The following VAPB variants were observed in gnomAD, a reference collection of about 807,000 sequenced individuals.
VAPB encodes the protein vesicle-associated membrane protein-associated protein B/C.
A neutral mutation model predicts 25.6 loss-of-function variants in VAPB; 7 were observed. The observed-to-expected ratio is 0.27, with a 90% CI of 0.16 to 0.51. The LOEUF (loss-of-function observed/expected upper bound fraction) is 0.51, where lower values mean the gene tolerates loss of function less well. Ranked by LOEUF, VAPB falls within the 20% of genes least tolerant of loss-of-function variation. The probability of loss-of-function intolerance (pLI) is 0.97; values close to 1 mark genes in which losing one functional copy is unlikely to be tolerated. For missense variants in VAPB, 266 were observed against 301.3 expected (o/e 0.88, Z 0.87); for synonymous variants, 112 against 109.2 (o/e 1.03, Z -0.16).
At chr20:58,401,029 CA>C (rs1988084522) in intron 1 of VAPB, among the ~76,000 whole-genome samples, 1 of 152,188 alleles carries the variant, frequency 6.6e-6, no homozygotes, top group African/African-American at 2.4e-5. Flanking sequence ...AGGAGGATCC[CA>C]TCTTAGTGCA....
chr20:58,420,013 T>G (rs1237297384), intron 2 of VAPB, among the ~76,000 whole-genome samples: 2 of 151,958 alleles, frequency 1.3e-5, no homozygotes, highest in Non-Finnish European at 2.9e-5. Context: ...TTTGAGACAG[T>G]CTCACTTTGT....
intron 1 of VAPB, among the ~76,000 whole-genome samples, chr20:58,409,296 C>T (rs6026244): frequency 2.4e-4 from 37 of 151,974 alleles, no homozygotes; most frequent in African/African-American, 7.7e-4. Flanking sequence ...GGGTATAGAA[C>T]GCAGAAAGCA....
chr20:58,443,573 C>G (rs1199324241), intron 5 of VAPB, among the ~76,000 whole-genome samples: 2 of 151,790 alleles, frequency 1.3e-5, no homozygotes, highest in Non-Finnish European at 2.9e-5. Context: ...CAAGCATGAG[C>G]CACCGTGCCC....
chr20:58,422,718 A>G (rs1267696335), intron 2 of VAPB, among the ~76,000 whole-genome samples: 3 of 152,126 alleles, frequency 2.0e-5, no homozygotes, highest in Non-Finnish European at 4.4e-5. Flanking sequence ...TGGGCCCATC[A>G]AAAATACTTA....
intron 1 of VAPB, among the ~76,000 whole-genome samples, chr20:58,414,909 C>G (rs149703237): frequency 0.11 from 16,438 of 152,226 alleles, 975 homozygotes; most frequent in Middle Eastern, 0.17. Context: ...GCCGAGATCA[C>G]GCCACTGCAC....
intron 1 of VAPB, among the ~76,000 whole-genome samples, chr20:58,408,108 A>G (rs144929550): frequency 1.1e-3 from 169 of 152,242 alleles, no homozygotes; most frequent in Non-Finnish European, 1.4e-3. Context: ...TAGTGAATTG[A>G]GTAAGCACCC....
chr20:58,446,257 G>T lies in VAPB; in HGVS notation c.*2022G>T, dbSNP rs1012884032. 8.8e-6 allele frequency: 4 copies of T among 453,946 alleles called. No homozygotes were observed. The Admixed American group carries it at 9.4e-5, about 11-fold the overall frequency. The allele number at this position is 453,946 out of a possible 1,614,324, so 28.1% of individuals were successfully genotyped here. On this transcript the variant is annotated 3_prime_UTR_variant, in exon 6 of 6. Transcript: ENST00000475243. ...GGGAGTGAAAAGACCGAGCTGTAAGGCATGTGCCTTCTGCCACCTGACTTT... is the reference window on the plus strand; with the variant it reads ...GGGAGTGAAAAGACCGAGCTGTAAGTCATGTGCCTTCTGCCACCTGACTTT...
In VAPB at chr20:58,449,822, T is replaced by G. The variant is rs1313432317; in HGVS notation, c.*5587T>G. The G allele has an allele frequency of 1.5e-5, 7 of 454,008 alleles. No homozygotes were observed. Among genetic ancestry groups the G allele is most frequent in the Admixed American group, 1.2e-4 (5 of 42,556 alleles). 28.1% of individuals were successfully genotyped at this position (454,008 alleles called of 1,614,324 possible). The stretch of plus-strand genomic sequence containing the variant: ...TCGCTTGCTGGCCTGCTTTCCTGCT[T>G]GCATTCTGATGAGCTGCAGGAGTGC... On this transcript the variant is annotated 3_prime_UTR_variant, in exon 6 of 6. Coordinates refer to ENST00000475243, the MANE Select transcript of VAPB (RefSeq NM_004738.5).
intron 1 of VAPB, among the ~76,000 whole-genome samples, chr20:58,415,647 A>G: frequency 6.6e-6 from 1 of 152,212 alleles, no homozygotes; most frequent in East Asian, 1.9e-4. Context: ...TCATTTGTAA[A>G]ATTGACTGTA....
intron 1 of VAPB, among the ~76,000 whole-genome samples, chr20:58,414,713 C>T (rs999247797): frequency 2.1e-4 from 32 of 151,936 alleles, no homozygotes; most frequent in African/African-American, 6.3e-4. Flanking sequence ...GGATGGCGGC[C>T]GGTCGGAGAC....
chr20:58,417,096 T>G (rs1988558110), intron 1 of VAPB, among the ~76,000 whole-genome samples: 2 of 152,100 alleles, frequency 1.3e-5, no homozygotes, highest in African/African-American at 4.8e-5. Flanking sequence ...AAGACAAGAG[T>G]AAAGGACTTG....
chr20:58,392,807 T>G (rs1987840156), intron 1 of VAPB, among the ~76,000 whole-genome samples: 1 of 152,246 alleles, frequency 6.6e-6, no homozygotes, highest in East Asian at 1.9e-4. Flanking sequence ...TGTGGTATGT[T>G]AAATTTAAGG....
intron 4 of VAPB, 114 bp downstream of exon 4, chr20:58,439,139 T>A: frequency 3.0e-6 from 3 of 997,204 alleles, no homozygotes; most frequent in Non-Finnish European, 4.6e-6. Context: ...TTATCTGATG[T>A]CTGAAGAAAA....
intron 2 of VAPB, among the ~76,000 whole-genome samples, chr20:58,425,886 ATTATAT>A (rs1195108291): frequency 4.6e-5 from 7 of 152,018 alleles, no homozygotes; most frequent in South Asian, 4.1e-4. Context: ...TTTAAATTTT[ATTATAT>A]TTATATATTT....
intron 1 of VAPB, among the ~76,000 whole-genome samples, chr20:58,395,326 A>G (rs1337148022): frequency 2.0e-5 from 3 of 151,944 alleles, no homozygotes; most frequent in African/African-American, 7.3e-5. Context: ...TAATTTTTGT[A>G]TTTTTAATAG....
Position 58,444,917 on chromosome 20 carries a change from C to G in VAPB, c.*682C>G. On this transcript the variant is annotated 3_prime_UTR_variant, in exon 6 of 6. Transcript: ENST00000475243. ...TATTGGTTCATGTAGTGAAGTCAAA[C>G]TGTTATTCAGAGATGTTTAATGCAT... 2.2e-6 allele frequency: 1 copy of G among 454,586 alleles called. No homozygotes were observed. The highest frequency in any genetic ancestry group is 4.4e-6 in the Non-Finnish European group (1 of 226,788). The allele number at this position is 454,586 out of a possible 1,614,324, so 28.2% of individuals were successfully genotyped here. A position where few individuals can be genotyped will look rare whatever the true frequency, so the allele number is the denominator to read the frequency against.
intron 5 of VAPB, among the ~76,000 whole-genome samples, chr20:58,442,840 C>A (rs1182892747): frequency 6.6e-6 from 1 of 152,050 alleles, no homozygotes; most frequent in African/African-American, 2.4e-5. Context: ...GCCTGTGGTC[C>A]CCAGGACCTA....
At position 58,444,132 on chromosome 20, in the gene VAPB, C is replaced by A. The variant is rs2123104993; in HGVS notation, c.629C>A (p.Ala210Glu). 1 of 1,614,206 alleles carries A rather than the reference C, an allele frequency of 6.2e-7. No homozygotes were observed. Among genetic ancestry groups the A allele is most frequent in the Non-Finnish European group, 8.5e-7 (1 of 1,180,034 alleles). The change falls in exon 6 of 6, where the codon GCA becomes GAA. Residue 210 changes from alanine to glutamate, a missense_variant. By Grantham distance (107) the Ala-to-Glu change is moderately radical. Coordinates refer to ENST00000475243, the MANE Select transcript of VAPB (RefSeq NM_004738.5). ...KTVQSNSPIS[A>E]LAPTGKEEGL... ...GTGCAGAGCAACAGCCCCATTTCAGCATTAGCCCCAACTGGGAAGGAAGAA... is the reference window on the plus strand; with the variant it reads ...GTGCAGAGCAACAGCCCCATTTCAGAATTAGCCCCAACTGGGAAGGAAGAA...
chr20:58,448,437 A>G lies in VAPB; in HGVS notation c.*4202A>G, dbSNP rs1009076494. ...TACCTGTATAGAACATTTCCAATAC[A>G]TTCGCTCATTGAACTTAATCCTTGC... On this transcript the variant is annotated 3_prime_UTR_variant, in exon 6 of 6. Transcript: ENST00000475243. 8.8e-6 allele frequency: 4 copies of G among 454,020 alleles called. No individual in the cohort carries two copies. Among genetic ancestry groups the G allele is most frequent in the African/African-American group, 8.0e-5 (4 of 50,012 alleles). The allele number at this position is 454,020 out of a possible 1,614,324, so 28.1% of individuals were successfully genotyped here. A position where few individuals can be genotyped will look rare whatever the true frequency, so the allele number is the denominator to read the frequency against.
Sources: allele counts gnomAD v4.1 joint callset (sites outside exome capture counted in the v4.1 genomes callset), GRCh38; gene constraint gnomAD v4.1.1; transcripts MANE v1.5; gene names NCBI Gene and HGNC (gene_info 2026-07-23, HGNC 2026-07-21).